Variants in RESF1 observed in about 807,000 individuals in gnomAD.
RESF1 encodes gonad expressed transcript.
In RESF1, 65 loss-of-function variants were observed where a neutral mutation model predicts 134.7. The ratio of observed to expected loss-of-function variants is 0.48; its 90% CI spans 0.40 to 0.59. The LOEUF is 0.59. RESF1 is among the 20% of genes least tolerant of loss of function. RESF1 has a pLI of 0.00. For missense variants in RESF1, 2,274 were observed against 2,002.7 expected (o/e 1.14, Z -2.59); for synonymous variants, 762 against 702.2 (o/e 1.09, Z -1.35).
intron 1 of RESF1, among the ~76,000 whole-genome samples, chr12:31,960,451 A>G (rs1349141543): frequency 6.6e-6 from 1 of 152,140 alleles, no homozygotes; most frequent in African/African-American, 2.4e-5. Flanking sequence ...TTAAGGTTTT[A>G]GGTTTTTTCC....
At chr12:31,964,813 G>T (rs1939361464) in intron 2 of RESF1, among the ~76,000 whole-genome samples, 1 of 152,170 alleles carries the variant, frequency 6.6e-6, no homozygotes, top group Non-Finnish European at 1.5e-5. Flanking sequence ...TTGTCAGGTT[G>T]TAAGTTTTTA....
intron 2 of RESF1, among the ~76,000 whole-genome samples, chr12:31,969,358 T>G (rs368904413): frequency 6.6e-6 from 1 of 152,272 alleles, no homozygotes; most frequent in African/African-American, 2.4e-5. Flanking sequence ...TTAAAAAAAT[T>G]AGCCACACGG....
At chr12:31,979,142 G>A (rs980274881) in intron 3 of RESF1, among the ~76,000 whole-genome samples, 5 of 151,830 alleles carry the variant, frequency 3.3e-5, no homozygotes, top group Non-Finnish European at 7.4e-5. Flanking sequence ...GGATGGTCTC[G>A]ATCTCCTGAC....
At chr12:31,977,357 T>G (rs986365301) in intron 3 of RESF1, among the ~76,000 whole-genome samples, 22 of 152,106 alleles carry the variant, frequency 1.4e-4, no homozygotes, top group African/African-American at 5.1e-4. Flanking sequence ...ATTTTTGCAT[T>G]TTTAGTAGAG....
intron 5 of RESF1, among the ~76,000 whole-genome samples, chr12:31,988,872 T>A (rs999763414): frequency 3.3e-5 from 5 of 151,880 alleles, no homozygotes; most frequent in Non-Finnish European, 7.4e-5. Flanking sequence ...GTATTTTTAG[T>A]AGAGACTGGA....
At chr12:31,980,565 A>T (rs1031019521) in intron 3 of RESF1, among the ~76,000 whole-genome samples, 1 of 152,194 alleles carries the variant, frequency 6.6e-6, no homozygotes, top group East Asian at 1.9e-4. Flanking sequence ...AGCTTTTTTA[A>T]AAAATGCAGT....
rs762677765 is a variant in RESF1 at position 31,982,257 on chromosome 12, T to C, written c.1302T>C (p.Tyr434=). 1.2e-5 allele frequency: 19 copies of C among 1,613,956 alleles called. No individual in the cohort carries two copies. The highest frequency in any genetic ancestry group is 1.5e-5 in the Non-Finnish European group (18 of 1,180,022). ...GTATTAAAATGACTAATACTTCTTATAGTGAACCAGCTCAGAATTCTAAAT... is the reference window on the plus strand; with the variant it reads ...GTATTAAAATGACTAATACTTCTTACAGTGAACCAGCTCAGAATTCTAAAT... The part of the protein sequence containing the change: ...AGCIKMTNTS[Y]SEPAQNSKLS... The change falls in exon 4 of 6, where the codon TAT becomes TAC. Residue 434 remains tyrosine (Y), a synonymous_variant. Coordinates refer to ENST00000312561, the MANE Select transcript of RESF1 (RefSeq NM_018169.4).
chr12:31,969,462 C>T (rs1001049011), intron 2 of RESF1, among the ~76,000 whole-genome samples: 13 of 152,188 alleles, frequency 8.5e-5, no homozygotes, highest in Non-Finnish European at 1.8e-4. Flanking sequence ...TGAGATCGTG[C>T]CACTACACTC....
At chr12:31,979,120 CTG>C (rs1428249437) in intron 3 of RESF1, among the ~76,000 whole-genome samples, 1 of 152,012 alleles carries the variant, frequency 6.6e-6, no homozygotes, top group Non-Finnish European at 1.5e-5. Flanking sequence ...CGGGGTTTCA[CTG>C]TGTTAGCCAG....
chr12:31,973,675 A>C (rs1275469715), intron 3 of RESF1, among the ~76,000 whole-genome samples: 2 of 115,010 alleles, frequency 1.7e-5, no homozygotes, highest in African/African-American at 3.1e-5. Context: ...AGAGGGATGG[A>C]GGAAAAAAAA....
chr12:31,980,930 T>TA lies in RESF1; in HGVS notation c.-25dup, dbSNP rs777622101. 2.6e-6 allele frequency: 4 copies of TA among 1,529,784 alleles called. No homozygotes were observed. Among genetic ancestry groups the TA allele is most frequent in the Non-Finnish European group, 3.5e-6 (4 of 1,129,356 alleles). 94.8% of individuals were successfully genotyped at this position (1,529,784 alleles called of 1,614,324 possible). On this transcript the variant is annotated 5_prime_UTR_variant, in exon 4 of 6. Coordinates refer to ENST00000312561, the MANE Select transcript of RESF1 (RefSeq NM_018169.4). ...TAACTGACTTATAACTGACTTGTAA[T>TA]ACACTGCTACTATATCAAACCGACA... is the stretch of plus-strand genomic sequence containing the variant.
rs1300412835 is a variant in RESF1, at chr12:31,993,041, A to G, written c.*506A>G. On this transcript the variant is annotated 3_prime_UTR_variant, in exon 6 of 6. Coordinates refer to ENST00000312561, the MANE Select transcript of RESF1 (RefSeq NM_018169.4). ...TTTTATACTTGTGAAACTGAACACA[A>G]TTTTGGGACAACGTTTAAACATTAC... The G allele has an allele frequency of 3.3e-5, 5 of 153,326 alleles. No individual in the cohort carries two copies. The highest frequency in any genetic ancestry group is 7.3e-5 in the Non-Finnish European group (5 of 68,560). 9.5% of individuals were successfully genotyped at this position (153,326 alleles called of 1,614,324 possible).
chr12:31,981,062 C>G lies in RESF1; in HGVS notation c.107C>G (p.Ser36Cys), dbSNP rs1335619669. The change falls in exon 4 of 6, where the codon TCT (serine) becomes TGT (cysteine). Residue 36 changes from serine (S) to cysteine (C), a missense_variant. By Grantham distance (112) the Ser-to-Cys change is moderately radical. Transcript: ENST00000312561. ...QSLINQITTT[S>C]QSSFSYPGSN... ...TTAATAAACCAAATTACCACAACAT[C>G]TCAGAGTTCTTTCAGCTATCCTGGA... 4.3e-6 allele frequency: 7 copies of G among 1,614,056 alleles called. No individual in the cohort carries two copies. Among genetic ancestry groups the G allele is most frequent in the African/African-American group, 1.3e-5 (1 of 74,942 alleles).
Position 31,987,325 on chromosome 12 carries a change from A to T in RESF1, c.5086+3A>T. 1 of 1,566,584 alleles carries T rather than the reference A, an allele frequency of 6.4e-7. No homozygotes were observed. ...ACAGAAAGACAGCCAAGAGAGAGGT[A>T]AAGTCATCTTTTTAAATCTTCATTC... On this transcript the variant is annotated splice_donor_region_variant and intron_variant, in intron 5 of 5. Transcript: ENST00000312561.
Position 31,981,233 on chromosome 12 carries a change from T to A in RESF1, c.278T>A (p.Ile93Lys), listed in dbSNP as rs780753940. 3 of 1,614,174 alleles carry A rather than the reference T, an allele frequency of 1.9e-6. No homozygotes were observed. Among genetic ancestry groups the A allele is most frequent in the Non-Finnish European group, 2.5e-6 (3 of 1,180,034 alleles). ...GCCTCACACACTTCAGTAGAAAGAA[T>A]AACATATGCAAATGTTAATGGACCC... is the stretch of plus-strand genomic sequence containing the variant. ...VVASHTSVER[I>K]TYANVNGPKQ... The change falls in exon 4 of 6, where the codon ATA becomes AAA. Residue 93 changes from isoleucine to lysine, a missense_variant. By Grantham distance (102) the Ile-to-Lys change is moderately radical. Coordinates refer to ENST00000312561, the MANE Select transcript of RESF1 (RefSeq NM_018169.4).
chr12:31,963,607 G>A (rs975049822), intron 2 of RESF1, among the ~76,000 whole-genome samples: 1 of 152,090 alleles, frequency 6.6e-6, no homozygotes, highest in African/African-American at 2.4e-5. Flanking sequence ...TTTACACCCA[G>A]TGTACAGTTT....
At chr12:31,968,870 C>CGTATTGGCT (rs1185669607) in intron 2 of RESF1, among the ~76,000 whole-genome samples, 1 of 152,174 alleles carries the variant, frequency 6.6e-6, no homozygotes, top group Non-Finnish European at 1.5e-5. Flanking sequence ...TTATGCCTGT[C>CGTATTGGCT]GTATTGGCTG....
At chr12:31,973,845 C>A (rs1468617332) in intron 3 of RESF1, among the ~76,000 whole-genome samples, 1 of 152,144 alleles carries the variant, frequency 6.6e-6, no homozygotes, top group Admixed American at 6.5e-5. Flanking sequence ...CATCCGCAAA[C>A]TGTTTTCCAG....
Position 31,982,859 on chromosome 12 carries a change from C to T in RESF1, c.1904C>T (p.Pro635Leu). Reference sequence around the variant, plus strand: ...CTGAATTTGAAGAACATGGAAACTCCAAGTACTTCTAATGTAAGTGGCAGG... The same window carrying T: ...CTGAATTTGAAGAACATGGAAACTCTAAGTACTTCTAATGTAAGTGGCAGG... ...NQLNLKNMET[P>L]STSNVSGRVL... The change falls in exon 4 of 6, where the codon CCA becomes CTA. Residue 635 changes from proline to leucine, a missense_variant. Transcript: ENST00000312561. 1.9e-6 allele frequency: 3 copies of T among 1,614,046 alleles called. No individual in the cohort carries two copies. Among genetic ancestry groups the T allele is most frequent in the Non-Finnish European group, 2.5e-6 (3 of 1,179,992 alleles).
Sources: gnomAD v4.1 joint callset for allele counts (sites outside exome capture counted in the v4.1 genomes callset) on GRCh38, gnomAD v4.1.1 for gene constraint, MANE v1.5 for transcripts, NCBI Gene and HGNC (gene_info 2026-07-23, HGNC 2026-07-21) for gene names.